Variants in CSMD1 observed in about 807,000 individuals in gnomAD.
The protein encoded by CSMD1 is CUB and Sushi multiple domains 1, also known as CUB and sushi domain-containing protein 1.
A neutral mutation model predicts 417.5 loss-of-function variants in CSMD1; 213 were observed. The ratio of observed to expected loss-of-function variants is 0.51; its 90% CI spans 0.46 to 0.57. CSMD1 has a LOEUF of 0.57. Ranked by LOEUF, CSMD1 falls within the 20% of genes least tolerant of loss-of-function variation. The pLI is 0.00. For synonymous variants in CSMD1, 2,862 were observed against 1,736.8 expected (o/e 1.65, Z -16.11); for missense variants, 6,923 against 4,529.7 (o/e 1.53, Z -15.17).
chr8:4,750,719 G>T (rs141521819), intron 1 of CSMD1, among the ~76,000 whole-genome samples: 56 of 151,196 alleles, frequency 3.7e-4, no homozygotes, highest in African/African-American at 1.3e-3. Context: ...ATAGAAACTT[G>T]ACTTTTGTCA....
chr8:3,638,328 G>A (rs114200607), intron 7 of CSMD1, among the ~76,000 whole-genome samples: 2,512 of 152,048 alleles, frequency 0.017, 71 homozygotes, highest in African/African-American at 0.055. Flanking sequence ...TTTCCAAATT[G>A]TCTAAAACCC....
In CSMD1 at chr8:4,771,252, C is replaced by T. The variant is rs571462856; in HGVS notation, c.86-133694G>A. 5.3e-5 allele frequency among the ~76,000 whole-genome samples: 8 copies of T among 152,314 alleles called. No homozygotes were observed. In the East Asian group the frequency reaches 9.7e-4, roughly 18 times the overall value. On this transcript the variant is annotated intron_variant, in intron 1 of 69. Transcript: ENST00000635120. ...AGAGCTGGATGAGGAAGTCAGTCTA[C>T]ATTCTGTAATTCCAAGTTTCTAATA... is the stretch of plus-strand genomic sequence containing the variant.
At chr8:3,404,445 T>C (rs553572040) in intron 15 of CSMD1, among the ~76,000 whole-genome samples, 31 of 152,130 alleles carry the variant, frequency 2.0e-4, no homozygotes, top group African/African-American at 6.5e-4. Flanking sequence ...GCCCCCACCA[T>C]ACTGTGGTTG....
chr8:3,439,300 TATA>T (rs1243737053), intron 12 of CSMD1, among the ~76,000 whole-genome samples: 2,216 of 57,598 alleles, frequency 0.038, 79 homozygotes, highest in East Asian at 0.049. Flanking sequence ...TATATATATA[TATA>T]TATATATTTT....
At chr8:4,184,516 G>C (rs1332779092) in intron 3 of CSMD1, among the ~76,000 whole-genome samples, 6 of 152,108 alleles carry the variant, frequency 3.9e-5, no homozygotes, top group Admixed American at 1.3e-4. Context: ...ATACACCATG[G>C]AATACTATGC....
intron 4 of CSMD1, among the ~76,000 whole-genome samples, chr8:4,004,028 A>C (rs779778412): frequency 6.6e-6 from 1 of 152,236 alleles, no homozygotes; most frequent in Non-Finnish European, 1.5e-5. Flanking sequence ...ATTAATCACC[A>C]TAAATACTCT....
At chr8:3,005,693 C>T (rs1245677521) in intron 52 of CSMD1, among the ~76,000 whole-genome samples, 3 of 152,136 alleles carry the variant, frequency 2.0e-5, no homozygotes, top group African/African-American at 7.2e-5. Context: ...TCGATAGATG[C>T]AGAAAAGGCC....
chr8:4,207,780 A>C (rs924807855), intron 3 of CSMD1, among the ~76,000 whole-genome samples: 4 of 152,180 alleles, frequency 2.6e-5, no homozygotes, highest in African/African-American at 9.6e-5. Context: ...GCAAACCATT[A>C]GAACTGGCAA....
intron 1 of CSMD1, among the ~76,000 whole-genome samples, chr8:4,896,520 T>C (rs1259796298): frequency 2.6e-5 from 4 of 152,154 alleles, no homozygotes; most frequent in Admixed American, 6.5e-5. Flanking sequence ...TCACTCTCTC[T>C]GCTCTTTGCT....
At chr8:3,206,982 G>C (rs918436832) in intron 30 of CSMD1, among the ~76,000 whole-genome samples, 3 of 152,020 alleles carry the variant, frequency 2.0e-5, no homozygotes, top group African/African-American at 7.2e-5. Context: ...AGCCACTCAG[G>C]ACAGCCTGTT....
chr8:4,989,406 C>G (rs1246016925), intron 1 of CSMD1, among the ~76,000 whole-genome samples: 1 of 152,212 alleles, frequency 6.6e-6, no homozygotes, highest in Non-Finnish European at 1.5e-5. Context: ...AGACAACAGG[C>G]TGGTAATATT....
chr8:4,016,252 C>T (rs978488614), intron 4 of CSMD1, among the ~76,000 whole-genome samples: 2 of 152,178 alleles, frequency 1.3e-5, no homozygotes, highest in African/African-American at 4.8e-5. Context: ...TGCTTTCCTG[C>T]TTGAGTAATT....
chr8:3,827,963 C>A (rs1458789287), intron 5 of CSMD1, among the ~76,000 whole-genome samples: 1 of 152,142 alleles, frequency 6.6e-6, no homozygotes, highest in Admixed American at 6.5e-5. Context: ...ACATTGCTAA[C>A]CAAATAGCCA....
chr8:4,471,636 G>A (rs1183290264), intron 2 of CSMD1, among the ~76,000 whole-genome samples: 1 of 152,060 alleles, frequency 6.6e-6, no homozygotes, highest in Admixed American at 6.6e-5. Flanking sequence ...TGCGGCGACT[G>A]GTTGGAAAGA....
rs573881852 is a variant in CSMD1 at position 4,220,135 on chromosome 8, G to C, written c.416-188036C>G. On this transcript the variant is annotated intron_variant, in intron 3 of 69. Transcript: ENST00000635120. ...CAGCTGATTTTTTGTATTTTCAGTAGAGACAGGGTTTTGCCATGTCGGCCA... is the reference window on the plus strand; with the variant it reads ...CAGCTGATTTTTTGTATTTTCAGTACAGACAGGGTTTTGCCATGTCGGCCA... Among the ~76,000 whole-genome samples, 202 of 152,148 alleles carry C rather than the reference G, an allele frequency of 1.3e-3. 1 individual carries two copies. Among genetic ancestry groups the C allele is most frequent in the African/African-American group, 4.6e-3 (189 of 41,522 alleles).
At chr8:3,613,458 G>C (rs138370705) in intron 8 of CSMD1, among the ~76,000 whole-genome samples, 20 of 151,932 alleles carry the variant, frequency 1.3e-4, no homozygotes, top group African/African-American at 4.3e-4. Context: ...TATAAGAAAA[G>C]TCTACAGCCT....
chr8:3,836,650 C>T (rs1802726626), intron 5 of CSMD1, among the ~76,000 whole-genome samples: 1 of 152,066 alleles, frequency 6.6e-6, no homozygotes, highest in African/African-American at 2.4e-5. Flanking sequence ...ACATTCACAA[C>T]ATGAGACACG....
chr8:3,562,774 G>T (rs1307243112), intron 10 of CSMD1, among the ~76,000 whole-genome samples: 2 of 152,104 alleles, frequency 1.3e-5, no homozygotes, highest in African/African-American at 4.8e-5. Flanking sequence ...ATTGGAGGGT[G>T]GAGGGTGGGA....
rs1470334943 is a variant in CSMD1, at chr8:4,872,964, A to G, written c.85+121368T>C. On this transcript the variant is annotated intron_variant, in intron 1 of 69. Coordinates refer to ENST00000635120, the MANE Select transcript of CSMD1 (RefSeq NM_033225.6). The stretch of plus-strand genomic sequence containing the variant: ...CTCTATTGAAGTATGACTGGCAAAC[A>G]AAAATTGTATATATTTAAGGTGTAC... Among the ~76,000 whole-genome samples, 3 of 152,162 alleles carry G rather than the reference A, an allele frequency of 2.0e-5. No homozygotes were observed. In the East Asian group the frequency reaches 5.8e-4, roughly 29 times the overall value.
Sources: allele counts gnomAD v4.1 joint callset (sites outside exome capture counted in the v4.1 genomes callset), GRCh38; gene constraint gnomAD v4.1.1; transcripts MANE v1.5; gene names NCBI Gene and HGNC (gene_info 2026-07-23, HGNC 2026-07-21).